Variants in NTRK1 observed in about 807,000 individuals in gnomAD.
NTRK1 encodes the protein neurotrophic receptor tyrosine kinase 1, also known as high affinity nerve growth factor receptor.
Under a neutral mutation model 86.8 loss-of-function variants are expected in NTRK1, and 62 were observed. The observed-to-expected ratio is 0.71, with a 90% confidence interval of 0.58 to 0.88. The LOEUF is 0.88. Among genes scored for constraint, NTRK1 ranks in the 40% least tolerant of loss-of-function variants. NTRK1 has a pLI of 0.00. For missense variants in NTRK1, 967 were observed against 1,078.4 expected (o/e 0.90, Z 1.45); for synonymous variants, 469 against 456.6 (o/e 1.03, Z -0.35).
At chr1:156,862,000 G>A (rs1389769944) in intron 1 of NTRK1, among the ~76,000 whole-genome samples, 2 of 152,194 alleles carry the variant, frequency 1.3e-5, no homozygotes, top group African/African-American at 2.4e-5. Context: ...TATGGTGATG[G>A]CTGGAAAATA....
rs1654931029 is a variant in NTRK1, at chr1:156,844,787, C to T, written c.50+2594C>T. 7 of 1,614,174 alleles carry T rather than the reference C, an allele frequency of 4.3e-6. No individual in the cohort carries two copies. Among genetic ancestry groups the T allele is most frequent in the Non-Finnish European group, 5.1e-6 (6 of 1,180,046 alleles). ...GGTGGCTCGAGCCAGCGCAGAAGGACACTGTTCTTGCTGGAGGCCTCCCAG... is the reference window on the plus strand; with the variant it reads ...GGTGGCTCGAGCCAGCGCAGAAGGATACTGTTCTTGCTGGAGGCCTCCCAG... On this transcript the variant is annotated intron_variant, in intron 2 of 16. Coordinates refer to the NTRK1 transcript ENST00000392302.
At chr1:156,846,441 T>C (rs1655010831) in intron 2 of NTRK1, 2 of 1,208,526 alleles carry the variant, frequency 1.7e-6, no homozygotes, top group Non-Finnish European at 2.4e-6. Context: ...CCCCGGCTTC[T>C]CTATTTCTGG....
chr1:156,847,610 C>A (rs1266811438), intron 2 of NTRK1, among the ~76,000 whole-genome samples: 4 of 151,854 alleles, frequency 2.6e-5, no homozygotes, highest in Admixed American at 2.0e-4. Flanking sequence ...AACTTGTGGC[C>A]CAGCGGGAAG....
At chr1:156,851,042 G>A (rs1655186869) in intron 2 of NTRK1, 4 of 536,340 alleles carry the variant, frequency 7.5e-6, no homozygotes, top group Non-Finnish European at 1.4e-5. Flanking sequence ...TGTGTTCCAG[G>A]CATTGTTTTA....
chr1:156,874,963 C>CTTGT lies in NTRK1; in HGVS notation c.1310_1313dup (p.Leu439CysfsTer62), dbSNP rs1558105252. ...CTGCCTCTTCCTTTCTACGCTGCTC[C>CTTGT]TTGTGCTCAACAAATGTGGACGGAG... On this transcript the variant is annotated frameshift_variant, in exon 11 of 17. Transcript: ENST00000524377. LOFTEE classifies it high-confidence loss of function. 1 of 1,614,030 alleles carries CTTGT rather than the reference C, an allele frequency of 6.2e-7. No individual in the cohort carries two copies. The highest frequency in any genetic ancestry group is 8.5e-7 in the Non-Finnish European group (1 of 1,179,994).
chr1:156,860,177 C>T (rs1655564312), upstream of NTRK1, among the ~76,000 whole-genome samples: 1 of 152,236 alleles, frequency 6.6e-6, no homozygotes, highest in Non-Finnish European at 1.5e-5. Context: ...AGACCTGAGG[C>T]GTTGCTCACT....
At chr1:156,844,454 G>C (rs1399063216) in intron 2 of NTRK1, 2 of 1,612,476 alleles carry the variant, frequency 1.2e-6, no homozygotes, top group African/African-American at 1.3e-5. Flanking sequence ...GACAGAGGCT[G>C]TGTATACCTG....
At chr1:156,851,717 A>C in intron 2 of NTRK1, 1 of 1,614,168 alleles carries the variant, frequency 6.2e-7, no homozygotes. Flanking sequence ...TGCCGCCTGG[A>C]TGGAGTCGAT....
intron 1 of NTRK1, among the ~76,000 whole-genome samples, chr1:156,820,950 C>T (rs1654172730): frequency 6.6e-6 from 1 of 152,142 alleles, no homozygotes; most frequent in Non-Finnish European, 1.5e-5. Context: ...TGTGTCATCT[C>T]TGATTTCTTT....
chr1:156,815,824 C>G, exon 1 of NTRK1: 5 of 1,614,108 alleles, frequency 3.1e-6, no homozygotes, highest in Non-Finnish European at 4.2e-6. Flanking sequence ...GTGGGCAACT[C>G]GGCGCATGAA....
chr1:156,864,057 T>A (rs528626219), intron 1 of NTRK1, among the ~76,000 whole-genome samples: 1 of 152,268 alleles, frequency 6.6e-6, no homozygotes, highest in South Asian at 2.1e-4. Flanking sequence ...TACCTAGGTG[T>A]GTGCATGTGT....
chr1:156,875,586 G>C lies in NTRK1; in HGVS notation c.1421G>C (p.Ser474Thr), dbSNP rs752915558. ...CTGCATTTCATGACATTGGGTGGCA[G>C]CTCCCTGTCCCCCACCGAGGGCAAA... Reference protein sequence around the residue: ...MSLHFMTLGGSSLSPTEGKGS... With the variant: ...MSLHFMTLGGTSLSPTEGKGS... The change falls in exon 12 of 17, where the codon AGC becomes ACC. Residue 474 changes from serine to threonine, a missense_variant. Ser to Thr is a moderately conservative substitution (Grantham distance 58, BLOSUM62 1). Around this residue, in one of 2 missense-constraint regions of NTRK1, gnomAD observed 637 missense variants for 776.5 expected, o/e 0.82. Transcript: ENST00000524377. 1 of 1,613,952 alleles carries C rather than the reference G, an allele frequency of 6.2e-7. No individual in the cohort carries two copies. Among genetic ancestry groups the C allele is most frequent in the Non-Finnish European group, 8.5e-7 (1 of 1,180,000 alleles).
At chr1:156,845,245 G>T in intron 2 of NTRK1, 1 of 1,611,156 alleles carries the variant, frequency 6.2e-7, no homozygotes, top group Non-Finnish European at 8.5e-7. Context: ...AATCCGAGCT[G>T]TTGCCCCCCA....
chr1:156,874,582 A>T lies in NTRK1; in HGVS notation c.1207A>T (p.Thr403Ser), dbSNP rs1403062294. Residue 403 changes from threonine (T) to serine (S), a missense_variant, in exon 10 of 17, where the codon ACA becomes TCA. This residue lies in a region of NTRK1 where 637 missense variants were observed against 776.5 expected (regional missense o/e 0.82). Coordinates refer to ENST00000524377, the MANE Select transcript of NTRK1 (RefSeq NM_002529.4). ...CTGTGTCCCTACAGACACTAACAGC[A>T]CATCTGGAGACCCGGTGGAGAAGAA... is the stretch of plus-strand genomic sequence containing the variant. ...VSFSPVDTNSTSGDPVEKKDE... is the reference protein window; with the variant it reads ...VSFSPVDTNSSSGDPVEKKDE... The T allele has an allele frequency of 7.4e-6, 12 of 1,614,038 alleles. No homozygotes were observed. Among genetic ancestry groups the T allele is most frequent in the Non-Finnish European group, 9.3e-6 (11 of 1,180,026 alleles).
upstream of NTRK1, among the ~76,000 whole-genome samples, chr1:156,860,347 C>G (rs1655576884): frequency 6.6e-6 from 1 of 152,256 alleles, no homozygotes; most frequent in African/African-American, 2.4e-5. Flanking sequence ...CTTTCTCTGC[C>G]CCGTCTGTGT....
At chr1:156,845,809 G>A (rs984388848) in intron 2 of NTRK1, 13 of 1,611,750 alleles carry the variant, frequency 8.1e-6, no homozygotes, top group Non-Finnish European at 1.1e-5. Context: ...GTGGGCAGCC[G>A]CAAGCCTGGC....
chr1:156,824,361 A>G (rs978644493), intron 1 of NTRK1, among the ~76,000 whole-genome samples: 7 of 152,148 alleles, frequency 4.6e-5, no homozygotes, highest in African/African-American at 1.4e-4. Flanking sequence ...TCAGTTGGTT[A>G]TATGGACCCT....
intron 2 of NTRK1, chr1:156,849,214 C>G: frequency 1.2e-6 from 2 of 1,609,322 alleles, no homozygotes; most frequent in Non-Finnish European, 1.7e-6. Context: ...TGTGTGGCCG[C>G]GTGTCCACCG....
At chr1:156,834,307 G>C (rs911399160) in intron 1 of NTRK1, among the ~76,000 whole-genome samples, 1 of 152,186 alleles carries the variant, frequency 6.6e-6, no homozygotes, top group East Asian at 1.9e-4. Flanking sequence ...CAAGCTGGCA[G>C]ATAGGGAAGA....
Sources: gnomAD v4.1 joint callset for allele counts (sites outside exome capture counted in the v4.1 genomes callset) on GRCh38, gnomAD v4.1.1 for gene constraint, gnomAD v4.1.1 regional missense constraint, MANE v1.5 for transcripts, NCBI Gene and HGNC (gene_info 2026-07-23, HGNC 2026-07-21) for gene names.